The following KITLG variants were observed in gnomAD, a reference collection of about 807,000 sequenced individuals.
KITLG encodes KIT ligand.
Under a neutral mutation model 34.1 loss-of-function variants are expected in KITLG, and 13 were observed. The observed-to-expected ratio is 0.38, with a 90% CI of 0.25 to 0.61. The LOEUF is 0.61. Ranked by LOEUF, KITLG falls within the 20% of genes least tolerant of loss-of-function variation. KITLG has a pLI of 0.60. For synonymous variants in KITLG, 110 were observed against 104.0 expected (o/e 1.06, Z -0.35); for missense variants, 292 against 318.9 (o/e 0.92, Z 0.64).
Position 88,580,428 on chromosome 12 carries a change from T to G in KITLG, c.-150A>C. ...GCAGCGCCCTCTCCACTGTCCCTGC[T>G]TCCCGCAGCGCTTCTAGTCTCGGCG... On this transcript the variant is annotated 5_prime_UTR_variant, in exon 1 of 10. Transcript: ENST00000644744. The G allele has an allele frequency of 5.5e-6, 5 of 916,968 alleles. No individual in the cohort carries two copies. Among genetic ancestry groups the G allele is most frequent in the Non-Finnish European group, 8.6e-6 (5 of 579,240 alleles). 56.8% of individuals were successfully genotyped at this position (916,968 alleles called of 1,614,324 possible).
intron 2 of KITLG, among the ~76,000 whole-genome samples, chr12:88,533,336 C>T (rs1016523933): frequency 1.3e-5 from 2 of 152,224 alleles, no homozygotes; most frequent in South Asian, 4.1e-4. Context: ...CAATGAAGAT[C>T]AAGATACCTA....
chr12:88,538,170 G>T (rs1224458608), intron 2 of KITLG, among the ~76,000 whole-genome samples: 3 of 152,062 alleles, frequency 2.0e-5, no homozygotes, highest in Non-Finnish European at 4.4e-5. Context: ...GATAGAGGAA[G>T]GGTCTTATGC....
intron 6 of KITLG, 146 bp from the exon 7 acceptor site, chr12:88,507,283 A>G: frequency 1.6e-6 from 1 of 625,154 alleles, no homozygotes; most frequent in South Asian, 1.9e-5. Flanking sequence ...TTTCTGCTGA[A>G]TATTGCTTTT....
At chr12:88,507,653 T>C (rs1869112658) in intron 6 of KITLG, among the ~76,000 whole-genome samples, 2 of 152,198 alleles carry the variant, frequency 1.3e-5, no homozygotes, top group South Asian at 2.1e-4. Flanking sequence ...CTTAGAATCA[T>C]GGCTGTTTCC....
chr12:88,510,017 G>T (rs752211085), intron 6 of KITLG, among the ~76,000 whole-genome samples: 3 of 152,046 alleles, frequency 2.0e-5, no homozygotes, highest in Non-Finnish European at 2.9e-5. Context: ...CATCTGGGCC[G>T]GATTTGAGTA....
At chr12:88,517,752 T>C (rs2120838395) in intron 4 of KITLG, among the ~76,000 whole-genome samples, 1 of 152,212 alleles carries the variant, frequency 6.6e-6, no homozygotes, top group Admixed American at 6.5e-5. Flanking sequence ...AAGGTAGTGA[T>C]TGGATTATTA....
intron 1 of KITLG, among the ~76,000 whole-genome samples, chr12:88,551,880 A>C (rs1332985464): frequency 1.3e-5 from 2 of 152,168 alleles, no homozygotes; most frequent in African/African-American, 4.8e-5. Flanking sequence ...CCCTGGGTCC[A>C]ATCTAATCCC....
At chr12:88,545,041 G>A (rs1870666736) in intron 2 of KITLG, among the ~76,000 whole-genome samples, 1 of 152,170 alleles carries the variant, frequency 6.6e-6, no homozygotes, top group Admixed American at 6.5e-5. Flanking sequence ...AAAAAAGCAT[G>A]TAAGATCTCC....
At chr12:88,551,348 T>A (rs1278759984) in intron 1 of KITLG, among the ~76,000 whole-genome samples, 1 of 152,162 alleles carries the variant, frequency 6.6e-6, no homozygotes, top group Non-Finnish European at 1.5e-5. Context: ...CTTCTTTATA[T>A]AAAAAAGAAA....
chr12:88,578,865 A>G (rs894188986), intron 1 of KITLG, among the ~76,000 whole-genome samples: 3 of 152,246 alleles, frequency 2.0e-5, no homozygotes, highest in Admixed American at 6.5e-5. Context: ...CTAAATCAAG[A>G]GATTACAATA....
chr12:88,576,576 TCATA>T (rs1871831976), intron 1 of KITLG, among the ~76,000 whole-genome samples: 1 of 152,178 alleles, frequency 6.6e-6, no homozygotes, highest in Non-Finnish European at 1.5e-5. Flanking sequence ...TTTATAATCA[TCATA>T]CAGATTACAA....
chr12:88,516,780 T>C (rs1437037350), intron 4 of KITLG, among the ~76,000 whole-genome samples: 1 of 148,768 alleles, frequency 6.7e-6, no homozygotes, highest in Admixed American at 6.7e-5. Flanking sequence ...GAGATGCTCA[T>C]TAAAAACATG....
At chr12:88,570,778 A>G (rs975732553) in intron 1 of KITLG, among the ~76,000 whole-genome samples, 5 of 152,190 alleles carry the variant, frequency 3.3e-5, no homozygotes, top group African/African-American at 1.2e-4. Context: ...GCCAAATAAT[A>G]ATATGTATTT....
chr12:88,516,784 A>G (rs1869473297), intron 4 of KITLG, among the ~76,000 whole-genome samples: 1 of 149,402 alleles, frequency 6.7e-6, no homozygotes, highest in Non-Finnish European at 1.5e-5. Context: ...TGCTCATTAA[A>G]AACATGAGGG....
chr12:88,497,382 CATT>C (rs1846884288), intron 9 of KITLG, among the ~76,000 whole-genome samples: 2 of 152,172 alleles, frequency 1.3e-5, no homozygotes, highest in South Asian at 4.1e-4. Flanking sequence ...CTTGGTAACA[CATT>C]ATCTGAAACA....
Position 88,493,229 on chromosome 12 carries a change from T to C in KITLG, c.*3990A>G, listed in dbSNP as rs1868475899. ...GATCAAGTACTGGAAAACGGTGTGG[T>C]TTTTAGTTTAACAGTTGTTTTAATT... On this transcript the variant is annotated 3_prime_UTR_variant, in exon 10 of 10. Coordinates refer to ENST00000644744, the MANE Select transcript of KITLG (RefSeq NM_000899.5). 1 of 152,278 alleles carries C rather than the reference T, an allele frequency of 6.6e-6. No individual in the cohort carries two copies. The highest frequency in any genetic ancestry group is 2.4e-5 in the African/African-American group (1 of 41,380). 9.4% of individuals were successfully genotyped at this position (152,278 alleles called of 1,614,324 possible). A position where few individuals can be genotyped will look rare whatever the true frequency, so the allele number is the denominator to read the frequency against.
intron 6 of KITLG, among the ~76,000 whole-genome samples, chr12:88,509,495 G>A (rs143461868): frequency 6.6e-5 from 10 of 152,274 alleles, no homozygotes; most frequent in African/African-American, 2.4e-4. Context: ...CTGAGAGTGC[G>A]GTGACTACCA....
chr12:88,519,329 A>G (rs1245130992), intron 3 of KITLG, among the ~76,000 whole-genome samples: 1 of 152,134 alleles, frequency 6.6e-6, no homozygotes, highest in African/African-American at 2.4e-5. Flanking sequence ...CATGCTTTAT[A>G]TGATTTTAAT....
chr12:88,492,886 A>G lies in KITLG; in HGVS notation c.*4333T>C, dbSNP rs370877618. On this transcript the variant is annotated 3_prime_UTR_variant, in exon 10 of 10. Coordinates refer to ENST00000644744, the MANE Select transcript of KITLG (RefSeq NM_000899.5). ...AACCTGTATAAAAAAGGGTTGGGACATACACCTATTTTAAAAAGTACACAT... is the reference window on the plus strand; with the variant it reads ...AACCTGTATAAAAAAGGGTTGGGACGTACACCTATTTTAAAAAGTACACAT... 12 of 152,516 alleles carry G rather than the reference A, an allele frequency of 7.9e-5. No individual in the cohort carries two copies. Among genetic ancestry groups the G allele is most frequent in the African/African-American group, 2.6e-4 (11 of 41,554 alleles). 9.4% of individuals were successfully genotyped at this position (152,516 alleles called of 1,614,324 possible).
Sources: gnomAD v4.1 joint callset for allele counts (sites outside exome capture counted in the v4.1 genomes callset) on GRCh38, gnomAD v4.1.1 for gene constraint, MANE v1.5 for transcripts, NCBI Gene and HGNC (gene_info 2026-07-23, HGNC 2026-07-21) for gene names.